Variants in SLC2A9 observed in about 807,000 individuals in gnomAD.
SLC2A9 encodes the protein solute carrier family 2, facilitated glucose transporter member 9.
Under a neutral mutation model 50.6 loss-of-function variants are expected in SLC2A9, and 39 were observed. The observed-to-expected ratio is 0.77, with a 90% CI of 0.60 to 1.01. SLC2A9 has a LOEUF of 1.01. Among genes scored for constraint, SLC2A9 ranks in the 50% least tolerant of loss-of-function variants. SLC2A9 has a pLI of 0.00. For synonymous variants in SLC2A9, 324 were observed against 276.9 expected (o/e 1.17, Z -1.69); for missense variants, 686 against 677.6 (o/e 1.01, Z -0.14).
At chr4:9,956,925 G>A (rs1464469649) in intron 5 of SLC2A9, among the ~76,000 whole-genome samples, 2 of 152,154 alleles carry the variant, frequency 1.3e-5, no homozygotes, top group Admixed American at 1.3e-4. Context: ...CCCAGTTTTA[G>A]AAGATGGAAT....
intron 3 of SLC2A9, chr4:9,782,588 T>C: frequency 1.9e-6 from 3 of 1,613,916 alleles, no homozygotes; most frequent in East Asian, 4.5e-5. Flanking sequence ...CCAGGCGGCC[T>C]CTTGGGGCGG....
At chr4:9,893,617 C>A (rs1306883308) in intron 8 of SLC2A9, among the ~76,000 whole-genome samples, 1 of 151,916 alleles carries the variant, frequency 6.6e-6, no homozygotes, top group Admixed American at 6.6e-5. Context: ...ACAGAGAAAC[C>A]TGCATTTAAA....
chr4:9,892,368 C>G (rs556096518), intron 8 of SLC2A9, among the ~76,000 whole-genome samples: 7 of 152,182 alleles, frequency 4.6e-5, no homozygotes, highest in Non-Finnish European at 8.8e-5. Flanking sequence ...CTAAAAGCAT[C>G]CAAGACTTCT....
intron 2 of SLC2A9, among the ~76,000 whole-genome samples, chr4:10,005,984 C>T (rs1394524354): frequency 6.6e-6 from 1 of 152,170 alleles, no homozygotes; most frequent in African/African-American, 2.4e-5. Context: ...AATGAAGATA[C>T]AGCACAGTGC....
intron 4 of SLC2A9, among the ~76,000 whole-genome samples, chr4:9,984,428 G>A (rs1421482051): frequency 3.9e-5 from 6 of 152,174 alleles, no homozygotes; most frequent in Non-Finnish European, 8.8e-5. Flanking sequence ...GTGTGAGAGA[G>A]ACAGAGAGAG....
intron 3 of SLC2A9, among the ~76,000 whole-genome samples, chr4:9,820,973 A>C (rs1724316743): frequency 6.6e-6 from 1 of 152,240 alleles, no homozygotes; most frequent in Non-Finnish European, 1.5e-5. Flanking sequence ...TAGTGAATAG[A>C]GGCAGTGATA....
At chr4:9,957,785 A>C (rs193127043) in intron 5 of SLC2A9, among the ~76,000 whole-genome samples, 1 of 152,314 alleles carries the variant, frequency 6.6e-6, no homozygotes, top group East Asian at 1.9e-4. Flanking sequence ...AAAGGACAGA[A>C]AATACTAAAA....
intron 1 of SLC2A9, among the ~76,000 whole-genome samples, chr4:9,772,914 C>T (rs1362391092): frequency 6.6e-6 from 1 of 152,024 alleles, no homozygotes; most frequent in South Asian, 2.1e-4. Flanking sequence ...TGCTGGTGCG[C>T]TGCACCCACT....
At chr4:9,839,894 G>T (rs1727758517) in intron 10 of SLC2A9, among the ~76,000 whole-genome samples, 1 of 152,080 alleles carries the variant, frequency 6.6e-6, no homozygotes, top group Non-Finnish European at 1.5e-5. Flanking sequence ...TGGTACCTGG[G>T]TGATGAAATA....
At chr4:9,825,300 A>G (rs1009046934), downstream of SLC2A9, among the ~76,000 whole-genome samples, 7 of 152,186 alleles carry the variant, frequency 4.6e-5, no homozygotes, top group Non-Finnish European at 8.8e-5. Context: ...GCCCCTCAAC[A>G]TATCTATTCC....
intron 3 of SLC2A9, among the ~76,000 whole-genome samples, chr4:9,815,080 A>G (rs1017785223): frequency 2.0e-5 from 3 of 152,206 alleles, no homozygotes; most frequent in Non-Finnish European, 2.9e-5. Flanking sequence ...AAATAACCCA[A>G]TGATATTTAC....
intron 5 of SLC2A9, among the ~76,000 whole-genome samples, chr4:9,968,787 G>A (rs74285646): frequency 0.063 from 9,526 of 152,082 alleles, 815 homozygotes; most frequent in East Asian, 0.46. Context: ...ACTGGCCTAA[G>A]AAACAAATAT....
chr4:9,800,134 C>T (rs1165637666), intron 3 of SLC2A9, among the ~76,000 whole-genome samples: 1 of 152,094 alleles, frequency 6.6e-6, no homozygotes, highest in African/African-American at 2.4e-5. Context: ...CAGGAAAGGG[C>T]CTGCCTCAGT....
At chr4:9,962,469 A>G (rs1359097002) in intron 5 of SLC2A9, among the ~76,000 whole-genome samples, 2 of 152,206 alleles carry the variant, frequency 1.3e-5, no homozygotes, top group Admixed American at 1.3e-4. Flanking sequence ...ACACAGAAAC[A>G]GAAAACCAAA....
intron 8 of SLC2A9, among the ~76,000 whole-genome samples, chr4:9,902,756 TA>T (rs1295211985): frequency 2.0e-5 from 3 of 152,206 alleles, no homozygotes; most frequent in Admixed American, 6.5e-5. Context: ...CGTATTGGAT[TA>T]GGGGCCCACC....
intron 1 of SLC2A9, chr4:10,019,404 C>A (rs562217933): frequency 3.4e-5 from 14 of 414,882 alleles, no homozygotes; most frequent in Non-Finnish European, 6.2e-5. Flanking sequence ...GAGTGTCCGA[C>A]CCAGACAGAA....
At chr4:9,814,470 T>C (rs1382825323) in intron 3 of SLC2A9, among the ~76,000 whole-genome samples, 1 of 152,246 alleles carries the variant, frequency 6.6e-6, no homozygotes, top group Non-Finnish European at 1.5e-5. Context: ...AGTGGGTCTG[T>C]AGTAGCCATC....
chr4:9,863,401 C>G (rs1327420419), intron 10 of SLC2A9, among the ~76,000 whole-genome samples: 1 of 152,022 alleles, frequency 6.6e-6, no homozygotes, highest in Non-Finnish European at 1.5e-5. Flanking sequence ...TCTGCTTCAG[C>G]CTCCCAAAGT....
intron 4 of SLC2A9, among the ~76,000 whole-genome samples, chr4:9,981,374 A>G (rs973905197): frequency 3.5e-5 from 4 of 115,802 alleles, no homozygotes; most frequent in African/African-American, 6.6e-5. Context: ...GGTGGTCACA[A>G]TGATAATAGC....
Sources: gnomAD v4.1 joint callset for allele counts (sites outside exome capture counted in the v4.1 genomes callset) on GRCh38, gnomAD v4.1.1 for gene constraint, MANE v1.5 for transcripts, NCBI Gene and HGNC (gene_info 2026-07-23, HGNC 2026-07-21) for gene names.